Variants in MCC observed in about 807,000 individuals in gnomAD.
MCC encodes colorectal mutant cancer protein.
A neutral mutation model predicts 116.2 loss-of-function variants in MCC; 90 were observed. The ratio of observed to expected loss-of-function variants is 0.77; its 90% confidence interval spans 0.65 to 0.92. MCC has a LOEUF of 0.92. MCC is among the 40% of genes least tolerant of loss of function. The pLI is 0.00. For synonymous variants in MCC, 578 were observed against 510.5 expected (o/e 1.13, Z -1.78); for missense variants, 1,516 against 1,312.2 (o/e 1.16, Z -2.40).
chr5:113,061,671 T>C (rs1753228452), intron 14 of MCC, among the ~76,000 whole-genome samples: 1 of 152,202 alleles, frequency 6.6e-6, no homozygotes, highest in South Asian at 2.1e-4. Context: ...CTCCTGTCGT[T>C]AGGAGCTGCC....
At chr5:113,170,210 C>T (rs969509677) in intron 3 of MCC, among the ~76,000 whole-genome samples, 2 of 152,224 alleles carry the variant, frequency 1.3e-5, no homozygotes, top group Admixed American at 6.5e-5. Context: ...TTCTTCTTTA[C>T]AGCACCTACT....
chr5:113,444,942 A>C (rs1212075366), intron 1 of MCC, among the ~76,000 whole-genome samples: 1 of 152,232 alleles, frequency 6.6e-6, no homozygotes, highest in Non-Finnish European at 1.5e-5. Flanking sequence ...GTGAGGCTCA[A>C]TGCATTTAAG....
chr5:113,406,651 T>C (rs1769843220), intron 1 of MCC, among the ~76,000 whole-genome samples: 1 of 152,240 alleles, frequency 6.6e-6, no homozygotes, highest in Non-Finnish European at 1.5e-5. Flanking sequence ...GGCTATTCAT[T>C]CAGAATAATA....
chr5:113,465,323 C>T (rs990481473), intron 1 of MCC, among the ~76,000 whole-genome samples: 2 of 151,926 alleles, frequency 1.3e-5, no homozygotes, highest in African/African-American at 4.8e-5. Context: ...AATGGTTAAC[C>T]ATTTGGGGGA....
chr5:113,050,396 A>G (rs1200418837), intron 15 of MCC, among the ~76,000 whole-genome samples: 1 of 152,102 alleles, frequency 6.6e-6, no homozygotes, highest in African/African-American at 2.4e-5. Context: ...CAACCCCCGA[A>G]GTCACCCTTC....
At chr5:113,279,634 T>C (rs1490903472) in intron 3 of MCC, among the ~76,000 whole-genome samples, 1 of 152,168 alleles carries the variant, frequency 6.6e-6, no homozygotes, top group Non-Finnish European at 1.5e-5. Context: ...CCAAGCCCCA[T>C]CTTCTAATAC....
At chr5:113,113,828 G>T (rs543799722) in intron 6 of MCC, among the ~76,000 whole-genome samples, 1 of 152,060 alleles carries the variant, frequency 6.6e-6, no homozygotes, top group Non-Finnish European at 1.5e-5. Context: ...TTAAAGGAGA[G>T]TCAAAAGACA....
chr5:113,253,345 T>C (rs1764871667), intron 3 of MCC, among the ~76,000 whole-genome samples: 1 of 152,158 alleles, frequency 6.6e-6, no homozygotes, highest in South Asian at 2.1e-4. Context: ...GGTTGGCCCC[T>C]AGTCTGAAGT....
intron 3 of MCC, among the ~76,000 whole-genome samples, chr5:113,162,462 G>C (rs921458185): frequency 2.0e-5 from 3 of 152,032 alleles, no homozygotes; most frequent in Admixed American, 2.0e-4. Flanking sequence ...CACAACATCA[G>C]CTGGCAGACT....
At position 113,049,191 on chromosome 5, in the gene MCC, G is replaced by C; in HGVS notation, c.2557C>G (p.His853Asp). ...ACCTCGGACTTCAGGTGCTCAATGT[G>C]CACCAGGTAGGCCTGCTCCTGGGCC... Reference protein sequence around the residue: ...REAQEQAYLVHIEHLKSEVEE... With the variant: ...REAQEQAYLVDIEHLKSEVEE... Residue 853 changes from histidine (H) to aspartate (D), a missense_variant, in exon 16 of 19, where the codon CAC becomes GAC. Coordinates refer to ENST00000408903, the MANE Select transcript of MCC (RefSeq NM_001085377.2). The C allele has an allele frequency of 6.2e-7, 1 of 1,614,168 alleles. No homozygotes were observed. The highest frequency in any genetic ancestry group is 8.5e-7 in the Non-Finnish European group (1 of 1,180,042).
intron 3 of MCC, among the ~76,000 whole-genome samples, chr5:113,275,516 C>T (rs1355039629): frequency 6.6e-6 from 1 of 152,048 alleles, no homozygotes; most frequent in African/African-American, 2.4e-5. Context: ...TCCACTAGGC[C>T]CCAGGGATTA....
At chr5:113,100,194 C>G (rs185878266) in intron 8 of MCC, among the ~76,000 whole-genome samples, 1 of 152,280 alleles carries the variant, frequency 6.6e-6, no homozygotes, top group Admixed American at 6.5e-5. Flanking sequence ...GACATTAGCA[C>G]AAATGAAGAA....
intron 1 of MCC, among the ~76,000 whole-genome samples, chr5:113,419,403 C>T (rs1406559364): frequency 6.6e-6 from 1 of 151,204 alleles, no homozygotes; most frequent in African/African-American, 2.4e-5. Context: ...TCGTTATGTG[C>T]CCAGGCTGGT....
intron 3 of MCC, among the ~76,000 whole-genome samples, chr5:113,175,276 C>A (rs1052260406): frequency 2.0e-5 from 3 of 151,960 alleles, no homozygotes; most frequent in Admixed American, 6.6e-5. Flanking sequence ...AATAATGAAC[C>A]CCATTAGAAC....
At chr5:113,366,587 C>T (rs1167098893) in intron 2 of MCC, among the ~76,000 whole-genome samples, 1 of 152,046 alleles carries the variant, frequency 6.6e-6, no homozygotes, top group African/African-American at 2.4e-5. Context: ...GATTTCCTAC[C>T]TGAGAAGACG....
At chr5:113,127,791 T>G (rs1045359349) in intron 5 of MCC, among the ~76,000 whole-genome samples, 1 of 152,242 alleles carries the variant, frequency 6.6e-6, no homozygotes, top group African/African-American at 2.4e-5. Context: ...ATTGTGTAAG[T>G]TGTCTGTTTA....
intron 6 of MCC, among the ~76,000 whole-genome samples, chr5:113,121,228 T>A (rs1757716733): frequency 6.6e-6 from 1 of 152,230 alleles, no homozygotes; most frequent in Non-Finnish European, 1.5e-5. Flanking sequence ...ATTCTTCATC[T>A]ATGGATTCTT....
intron 17 of MCC, among the ~76,000 whole-genome samples, chr5:113,030,641 G>A (rs1272737573): frequency 2.0e-5 from 3 of 152,192 alleles, no homozygotes; most frequent in Non-Finnish European, 2.9e-5. Flanking sequence ...TCCTGCCACT[G>A]CACTCCAGCT....
At position 113,071,093 on chromosome 5, in the gene MCC, C is replaced by T. The variant is rs141141588; in HGVS notation, c.1925+1G>A. The T allele has an allele frequency of 1.3e-6, 2 of 1,563,190 alleles. No individual in the cohort carries two copies. Among genetic ancestry groups the T allele is most frequent in the Non-Finnish European group, 1.7e-6 (2 of 1,157,716 alleles). On this transcript the variant is annotated splice_donor_variant, in intron 12 of 18. Transcript: ENST00000408903. LOFTEE classifies it high-confidence loss of function. ...CTCCAAACATCCCAGTGTGTGCCTA[C>T]CTGTACTGCAAGGCCAGCCTCAGCG...
Sources: allele counts gnomAD v4.1 joint callset (sites outside exome capture counted in the v4.1 genomes callset), GRCh38; gene constraint gnomAD v4.1.1; transcripts MANE v1.5; gene names NCBI Gene and HGNC (gene_info 2026-07-23, HGNC 2026-07-21).